D2HGDH: variants seen among roughly 807,000 people sequenced by gnomAD.
D2HGDH encodes D-2-hydroxyglutarate dehydrogenase.
Under a neutral mutation model 46.9 loss-of-function variants are expected in D2HGDH, and 31 were observed. The observed-to-expected ratio is 0.66, with a 90% CI of 0.50 to 0.89. The LOEUF is 0.89. Ranked by LOEUF, D2HGDH falls within the 40% of genes least tolerant of loss-of-function variation. The probability of loss-of-function intolerance (pLI) is 0.00; values close to 1 mark genes in which losing one functional copy is unlikely to be tolerated. For missense variants in D2HGDH, 698 were observed against 720.8 expected (o/e 0.97, Z 0.36); for synonymous variants, 364 against 332.6 (o/e 1.09, Z -1.03).
rs940530798 is a variant in D2HGDH at position 241,767,974 on chromosome 2, C to T, written c.*5C>T. ...ACGCTGCCCAGCCAGGCCTGACGGC[C>T]ACTCCTGCTGCTGCCAAGGCCCACT... On this transcript the variant is annotated 3_prime_UTR_variant, in exon 10 of 10. Transcript: ENST00000321264. 22 of 1,584,060 alleles carry T rather than the reference C, an allele frequency of 1.4e-5. No individual in the cohort carries two copies. Among genetic ancestry groups the T allele is most frequent in the African/African-American group, 4.0e-5 (3 of 74,448 alleles).
At chr2:241,735,003 C>G (rs1330164074) in intron 1 of D2HGDH, 130 bp from the exon 2 acceptor site, 1 of 542,750 alleles carries the variant, frequency 1.8e-6, no homozygotes, top group Non-Finnish European at 3.1e-6. Context: ...GGTTGCGGCC[C>G]GGGCAGGGGG....
chr2:241,746,308 T>C (rs1695847136), intron 6 of D2HGDH, among the ~76,000 whole-genome samples: 1 of 152,194 alleles, frequency 6.6e-6, no homozygotes, highest in Admixed American at 6.5e-5. Context: ...TCTGCTGTGT[T>C]TTATTTGCTG....
At chr2:241,753,395 AG>A (rs1329309936) in intron 8 of D2HGDH, among the ~76,000 whole-genome samples, 1 of 137,354 alleles carries the variant, frequency 7.3e-6, no homozygotes, top group Non-Finnish European at 1.5e-5. Flanking sequence ...GCAGGTCCTG[AG>A]GCTTTTCTCT....
intron 3 of D2HGDH, among the ~76,000 whole-genome samples, chr2:241,741,387 G>A (rs139405677): frequency 2.6e-5 from 4 of 152,364 alleles, no homozygotes; most frequent in African/African-American, 9.6e-5. Context: ...GTCCATGACT[G>A]TGGACAGTGC....
chr2:241,738,924 G>T (rs1361217160), intron 2 of D2HGDH, among the ~76,000 whole-genome samples: 2 of 152,212 alleles, frequency 1.3e-5, no homozygotes, highest in Non-Finnish European at 2.9e-5. Context: ...CTTGCTTTTG[G>T]AGAGAGAGCT....
chr2:241,734,985 G>T (rs1692348860), intron 1 of D2HGDH, 148 bp from the exon 2 acceptor site: 6 of 513,020 alleles, frequency 1.2e-5, no homozygotes, highest in Non-Finnish European at 1.7e-5. Flanking sequence ...GGCTTCGCGC[G>T]CTCGCGGGGT....
rs781397354 is a variant in D2HGDH, at chr2:241,750,185, C to T, written c.888C>T (p.Phe296=). 6.2e-6 allele frequency: 10 copies of T among 1,614,014 alleles called. No homozygotes were observed. The African/African-American group carries it at 1.1e-4, about 17-fold the overall frequency. ...CPGFAEVLQT[F]STCKGMLGEI... ...GCTTTGCTGAGGTTCTGCAGACCTT[C>T]AGCACCTGCAAGGGGATGCTGGGTG... Residue 296 remains phenylalanine (F), a synonymous_variant, in exon 7 of 10, where the codon TTC becomes TTT. Transcript: ENST00000321264.
chr2:241,736,484 C>G (rs1371634657), intron 2 of D2HGDH, among the ~76,000 whole-genome samples: 1 of 152,152 alleles, frequency 6.6e-6, no homozygotes, highest in African/African-American at 2.4e-5. Flanking sequence ...GCTCTAGCTC[C>G]TGGTGGCCCC....
intron 7 of D2HGDH, among the ~76,000 whole-genome samples, chr2:241,750,898 C>T (rs184537247): frequency 1.6e-4 from 25 of 152,252 alleles, no homozygotes; most frequent in South Asian, 4.1e-4. Context: ...GCTGGGATTA[C>T]GGGCACCTGC....
chr2:241,741,736 G>C (rs957485827), intron 3 of D2HGDH, among the ~76,000 whole-genome samples: 2 of 136,678 alleles, frequency 1.5e-5, no homozygotes, highest in Non-Finnish European at 3.1e-5. Flanking sequence ...CATGTATGGG[G>C]CTTGCTGTCT....
At chr2:241,753,222 C>T (rs144958240) in intron 8 of D2HGDH, among the ~76,000 whole-genome samples, 8 of 152,290 alleles carry the variant, frequency 5.3e-5, no homozygotes, top group Non-Finnish European at 1.2e-4. Context: ...CAAAACGACC[C>T]TTTCTTAGGT....
In D2HGDH at chr2:241,768,021, G is replaced by A. The variant is rs772267775; in HGVS notation, c.*52G>A. 2.5e-5 allele frequency: 39 copies of A among 1,530,518 alleles called. No individual in the cohort carries two copies. The African/African-American group carries it at 3.3e-4, about 13-fold the overall frequency. 94.8% of individuals were successfully genotyped at this position (1,530,518 alleles called of 1,614,324 possible). A position where few individuals can be genotyped will look rare whatever the true frequency, so the allele number is the denominator to read the frequency against. ...CACTGGGGGTCGGCGGGTGGCTCTCGGGCGGGGGTGTTGCGGTGGCTCTGA... is the reference window on the plus strand; with the variant it reads ...CACTGGGGGTCGGCGGGTGGCTCTCAGGCGGGGGTGTTGCGGTGGCTCTGA... On this transcript the variant is annotated 3_prime_UTR_variant, in exon 10 of 10. Transcript: ENST00000321264.
chr2:241,768,146 C>A lies in D2HGDH; in HGVS notation c.*177C>A. On this transcript the variant is annotated 3_prime_UTR_variant, in exon 10 of 10. Transcript: ENST00000321264. The stretch of plus-strand genomic sequence containing the variant: ...GACGCAGGCCCTCGGGCAGGAGCAT[C>A]TGGCAGAGTGGGGGGCGTGGCAGGC... The A allele has an allele frequency of 1.0e-6, 1 of 999,678 alleles. No individual in the cohort carries two copies. The highest frequency in any genetic ancestry group is 1.4e-6 in the Non-Finnish European group (1 of 703,330). 61.9% of individuals were successfully genotyped at this position (999,678 alleles called of 1,614,324 possible). A position where few individuals can be genotyped will look rare whatever the true frequency, so the allele number is the denominator to read the frequency against.
chr2:241,741,140 C>T, intron 3 of D2HGDH, 50 bp downstream of exon 3: 1 of 1,558,720 alleles, frequency 6.4e-7, no homozygotes, highest in Non-Finnish European at 8.8e-7. Context: ...GCCTGTGGGT[C>T]ATTTCCTCAT....
intron 6 of D2HGDH, chr2:241,748,891 C>T: frequency 7.7e-7 from 1 of 1,299,438 alleles, no homozygotes; most frequent in Non-Finnish European, 1.0e-6. Context: ...CGCCTGTGGT[C>T]CTGGGAGCCC....
chr2:241,752,612 C>T (rs1445980123), intron 8 of D2HGDH, among the ~76,000 whole-genome samples: 3 of 152,070 alleles, frequency 2.0e-5, no homozygotes, highest in Non-Finnish European at 4.4e-5. Context: ...GTCTGTTTTC[C>T]CAGCAGAAAG....
Position 241,767,727 on chromosome 2 carries a change from C to T in D2HGDH, c.1324C>T (p.Leu442Phe), listed in dbSNP as rs140633201. 121 of 1,612,828 alleles carry T rather than the reference C, an allele frequency of 7.5e-5. No individual in the cohort carries two copies. The highest frequency in any genetic ancestry group is 9.8e-5 in the Non-Finnish European group (116 of 1,179,582). ...YGHLGDGNLH[L>F]NVTAEAFSPS... The stretch of plus-strand genomic sequence containing the variant: ...CCCTCCAGGAGATGGTAACCTGCAC[C>T]TCAATGTGACGGCGGAGGCCTTCAG... Residue 442 changes from leucine to phenylalanine, a missense_variant, in exon 10 of 10, where the codon CTC becomes TTC. By Grantham distance (22) the Leu-to-Phe change is conservative (BLOSUM62 0). Coordinates refer to ENST00000321264, the MANE Select transcript of D2HGDH (RefSeq NM_152783.5).
At chr2:241,749,496 C>T in intron 6 of D2HGDH, 1 of 809,664 alleles carries the variant, frequency 1.2e-6, no homozygotes, top group Non-Finnish European at 1.7e-6. Context: ...TGAGGGTCGG[C>T]TTCCCCAGGG....
intron 1 of D2HGDH, 48 bp downstream of exon 1, chr2:241,734,743 G>A (rs909154573): frequency 6.5e-6 from 1 of 153,928 alleles, no homozygotes; most frequent in African/African-American, 2.4e-5. Flanking sequence ...GTCCCGGTCT[G>A]CGGTTCAGCC....
Sources: gnomAD v4.1 joint callset for allele counts (sites outside exome capture counted in the v4.1 genomes callset) on GRCh38, gnomAD v4.1.1 for gene constraint, MANE v1.5 for transcripts, NCBI Gene and HGNC (gene_info 2026-07-23, HGNC 2026-07-21) for gene names.